The following CDH9 variants were observed in gnomAD, a reference collection of about 807,000 sequenced individuals.
CDH9 encodes the protein cadherin 9, also known as cadherin-9.
CDH9 carries 28 observed loss-of-function variants against 70.9 expected under a neutral mutation model. That is an observed-to-expected ratio of 0.40 (90% CI 0.29 to 0.54). The LOEUF is 0.54. Ranked by LOEUF, CDH9 falls within the 20% of genes least tolerant of loss-of-function variation. CDH9 has a pLI of 0.59. For synonymous variants in CDH9, 409 were observed against 343.1 expected, an observed-to-expected ratio of 1.19 and a Z score of -2.12; for missense variants, 874 against 984.4, an observed-to-expected ratio of 0.89 and a Z score of 1.50.
chr5:26,973,353 AGGTCC>A (rs1409584938), intron 2 of CDH9, among the ~76,000 whole-genome samples: 2 of 152,166 alleles, frequency 1.3e-5, no homozygotes, highest in Admixed American at 1.3e-4. Context: ...AGCCTCTGGA[AGGTCC>A]CACTAGGTAT....
At chr5:26,982,965 G>A (rs550803741) in intron 2 of CDH9, among the ~76,000 whole-genome samples, 4 of 152,190 alleles carry the variant, frequency 2.6e-5, no homozygotes, top group South Asian at 4.1e-4. Flanking sequence ...GATTGCAGGC[G>A]TGAGCCACCG....
At chr5:26,977,646 A>G (rs2112080507) in intron 2 of CDH9, among the ~76,000 whole-genome samples, 1 of 152,144 alleles carries the variant, frequency 6.6e-6, no homozygotes, top group African/African-American at 2.4e-5. Context: ...TTAAGAATTA[A>G]GGGTCAGGAT....
At chr5:26,987,904 C>T (rs374161599) in intron 2 of CDH9, among the ~76,000 whole-genome samples, 7 of 152,022 alleles carry the variant, frequency 4.6e-5, no homozygotes, top group East Asian at 3.9e-4. Flanking sequence ...TAGTAGTTTA[C>T]GCTTATTATT....
intron 1 of CDH9, among the ~76,000 whole-genome samples, chr5:26,995,756 T>C (rs1742654408): frequency 6.6e-6 from 1 of 152,130 alleles, no homozygotes; most frequent in Non-Finnish European, 1.5e-5. Context: ...AAGTTTTCTA[T>C]GCCTAATTAT....
intron 2 of CDH9, among the ~76,000 whole-genome samples, chr5:26,941,336 A>T (rs930102825): frequency 6.6e-6 from 1 of 152,218 alleles, no homozygotes; most frequent in African/African-American, 2.4e-5. Flanking sequence ...TAATTCTTCC[A>T]TATGAGAGAA....
At chr5:26,882,830 T>A (rs1037285063) in intron 11 of CDH9, among the ~76,000 whole-genome samples, 2 of 151,424 alleles carry the variant, frequency 1.3e-5, no homozygotes, top group Non-Finnish European at 2.9e-5. Context: ...AAACAAAGCA[T>A]ACTCATTGTC....
intron 11 of CDH9, among the ~76,000 whole-genome samples, chr5:26,882,133 G>A (rs758687134): frequency 2.6e-5 from 4 of 151,972 alleles, no homozygotes; most frequent in Admixed American, 1.3e-4. Context: ...ACATGAATAT[G>A]TATGAGTCAC....
intron 2 of CDH9, among the ~76,000 whole-genome samples, chr5:26,975,187 A>G (rs1239008377): frequency 6.6e-6 from 1 of 152,196 alleles, no homozygotes; most frequent in East Asian, 1.9e-4. Context: ...CATTGTTACC[A>G]GAAAAGAAGG....
At chr5:26,887,063 A>ACTCAC (rs1224254804) in intron 9 of CDH9, among the ~76,000 whole-genome samples, 1 of 152,088 alleles carries the variant, frequency 6.6e-6, no homozygotes, top group Admixed American at 6.6e-5. Flanking sequence ...TAACCTACAT[A>ACTCAC]CTCACTAGTC....
chr5:26,945,561 CTA>C (rs1372490426), intron 2 of CDH9, among the ~76,000 whole-genome samples: 1 of 152,028 alleles, frequency 6.6e-6, no homozygotes, highest in Non-Finnish European at 1.5e-5. Context: ...TTTTATGTCA[CTA>C]TTTTAAAATC....
At chr5:26,938,786 T>G (rs1339131497) in intron 2 of CDH9, among the ~76,000 whole-genome samples, 1 of 152,050 alleles carries the variant, frequency 6.6e-6, no homozygotes, top group Non-Finnish European at 1.5e-5. Flanking sequence ...AATAAAACAC[T>G]GATGTATTCA....
At chr5:27,000,811 G>T (rs956659870) in intron 1 of CDH9, among the ~76,000 whole-genome samples, 6 of 152,022 alleles carry the variant, frequency 3.9e-5, no homozygotes, top group Non-Finnish European at 7.4e-5. Context: ...GTCACCCAAA[G>T]ACAAAAGGAA....
intron 2 of CDH9, among the ~76,000 whole-genome samples, chr5:26,972,124 G>A (rs949590700): frequency 6.6e-5 from 10 of 152,240 alleles, no homozygotes; most frequent in Middle Eastern, 6.8e-3. Context: ...ATAACATTGT[G>A]ACATGTAATT....
At chr5:26,896,729 C>A (rs532704249) in intron 7 of CDH9, among the ~76,000 whole-genome samples, 17 of 151,744 alleles carry the variant, frequency 1.1e-4, no homozygotes, top group Non-Finnish European at 2.1e-4. Flanking sequence ...AAGAGCTAAA[C>A]TTGACACCCA....
At chr5:26,972,086 G>A (rs1742228916) in intron 2 of CDH9, among the ~76,000 whole-genome samples, 1 of 152,146 alleles carries the variant, frequency 6.6e-6, no homozygotes, top group South Asian at 2.1e-4. Context: ...TTTTCCCTAT[G>A]CAAGAGTCAT....
intron 1 of CDH9, among the ~76,000 whole-genome samples, chr5:27,022,661 G>A (rs1395439847): frequency 6.6e-6 from 1 of 152,122 alleles, no homozygotes; most frequent in African/African-American, 2.4e-5. Context: ...AGTTTAAGCA[G>A]AGTGTTCTGC....
chr5:27,007,785 T>G (rs1329852583), intron 1 of CDH9, among the ~76,000 whole-genome samples: 2 of 152,124 alleles, frequency 1.3e-5, no homozygotes. Context: ...TACAAGGTAT[T>G]TAGTATAATA....
At chr5:26,918,640 G>A (rs1028632726) in intron 2 of CDH9, among the ~76,000 whole-genome samples, 2 of 152,198 alleles carry the variant, frequency 1.3e-5, no homozygotes, top group African/African-American at 4.8e-5. Context: ...TGGGTGACTA[G>A]TCTTTAAACA....
At chr5:26,897,167 G>A (rs1196636870) in intron 7 of CDH9, among the ~76,000 whole-genome samples, 2 of 151,902 alleles carry the variant, frequency 1.3e-5, no homozygotes, top group East Asian at 3.9e-4. Flanking sequence ...TGAAATTCAG[G>A]CAGTAATTAA....
Sources: gnomAD v4.1 joint callset for allele counts (sites outside exome capture counted in the v4.1 genomes callset) on GRCh38, gnomAD v4.1.1 for gene constraint, MANE v1.5 for transcripts, NCBI Gene and HGNC (gene_info 2026-07-23, HGNC 2026-07-21) for gene names.